Variants in SAMD3 observed in about 807,000 individuals in gnomAD.
The protein encoded by SAMD3 is sterile alpha motif domain containing 3.
A neutral mutation model predicts 58.5 loss-of-function variants in SAMD3; 63 were observed. The ratio of observed to expected loss-of-function variants is 1.08; its 90% CI spans 0.88 to 1.33. SAMD3 has a LOEUF of 1.33. Among genes scored for constraint, SAMD3 ranks in the 40% most tolerant of loss-of-function variants. SAMD3 has a pLI of 0.00. For missense variants in SAMD3, 604 were observed against 608.4 expected (o/e 0.99, Z 0.08); for synonymous variants, 220 against 210.3 (o/e 1.05, Z -0.40).
chr6:130,194,972 T>C (rs1793950599), intron 5 of SAMD3, among the ~76,000 whole-genome samples: 1 of 152,122 alleles, frequency 6.6e-6, no homozygotes, highest in Non-Finnish European at 1.5e-5. Context: ...CTTGCCTCCA[T>C]AACTGTTGTG....
chr6:130,273,528 C>A (rs549019239), intron 2 of SAMD3, among the ~76,000 whole-genome samples: 1 of 151,892 alleles, frequency 6.6e-6, no homozygotes, highest in East Asian at 1.9e-4. Flanking sequence ...CTTACAATTG[C>A]CGTTTTGTTG....
At chr6:130,315,799 C>T (rs6915557) in intron 1 of SAMD3, among the ~76,000 whole-genome samples, 64,632 of 151,862 alleles carry the variant, frequency 0.43, 15,332 homozygotes, top group African/African-American at 0.64. Flanking sequence ...TAATACATCA[C>T]GTGAATGGTA....
intron 2 of SAMD3, among the ~76,000 whole-genome samples, chr6:130,275,977 T>C (rs543197220): frequency 2.7e-4 from 41 of 152,186 alleles, no homozygotes; most frequent in Non-Finnish European, 4.9e-4. Context: ...TGGAAGGAAC[T>C]TTGAAGAAAT....
intron 2 of SAMD3, among the ~76,000 whole-genome samples, chr6:130,309,673 T>C (rs1313576903): frequency 6.6e-6 from 1 of 152,198 alleles, no homozygotes; most frequent in Admixed American, 6.5e-5. Context: ...ATGAATTTCC[T>C]GGCACCTTAC....
Position 130,146,064 on chromosome 6 carries a change from T to G in SAMD3, c.1141A>C (p.Asn381His). The change falls in exon 10 of 12, where the codon AAT becomes CAT. Residue 381 changes from asparagine to histidine, a missense_variant. By Grantham distance (68) the Asn-to-His change is moderately conservative. Coordinates refer to ENST00000439090, the MANE Select transcript of SAMD3 (RefSeq NM_001017373.4). The part of the protein sequence containing the change: ...TSFSVVDNPI[N>H]IVLQEKMKHY... Reference sequence around the variant, plus strand: ...TTCATTTTTTCTTGCAATACAATATTGATTGGATTGTCCACCACTGAAAAA... The same window carrying G: ...TTCATTTTTTCTTGCAATACAATATGGATTGGATTGTCCACCACTGAAAAA... 1 of 1,594,244 alleles carries G rather than the reference T, an allele frequency of 6.3e-7. No individual in the cohort carries two copies. Among genetic ancestry groups the G allele is most frequent in the Non-Finnish European group, 8.5e-7 (1 of 1,171,062 alleles).
intron 5 of SAMD3, among the ~76,000 whole-genome samples, chr6:130,189,196 AC>A (rs1224660819): frequency 2.6e-5 from 4 of 152,280 alleles, no homozygotes; most frequent in South Asian, 4.1e-4. Flanking sequence ...TGAAGCCCTA[AC>A]CTCCAACGTG....
intron 8 of SAMD3, chr6:130,160,959 A>C (rs879746186): frequency 5.3e-5 from 8 of 152,190 alleles, no homozygotes; most frequent in Non-Finnish European, 1.0e-4. Flanking sequence ...TATTCAAATA[A>C]AATATGTGCT....
chr6:130,196,499 C>T (rs1333107274), intron 5 of SAMD3, among the ~76,000 whole-genome samples: 2 of 152,196 alleles, frequency 1.3e-5, no homozygotes, highest in Non-Finnish European at 2.9e-5. Context: ...CCTGATCACA[C>T]TTAGTTTATT....
intron 2 of SAMD3, among the ~76,000 whole-genome samples, chr6:130,278,007 TA>T (rs1430434707): frequency 2.6e-5 from 4 of 152,172 alleles, no homozygotes; most frequent in African/African-American, 9.7e-5. Context: ...AATTATAGTT[TA>T]GGGGCCATGC....
chr6:130,365,578 T>A (rs944827679), upstream of SAMD3: 25 of 985,030 alleles, frequency 2.5e-5, no homozygotes, highest in African/African-American at 4.4e-4. Flanking sequence ...CGGCTGGAGC[T>A]CCCCAGCCGC....
chr6:130,359,621 A>G (rs913445627), intron 1 of SAMD3, among the ~76,000 whole-genome samples: 1 of 152,160 alleles, frequency 6.6e-6, no homozygotes, highest in Non-Finnish European at 1.5e-5. Flanking sequence ...TACTGCAGCT[A>G]TGTGCTTACA....
At chr6:130,264,552 G>A (rs1220394043) in intron 2 of SAMD3, among the ~76,000 whole-genome samples, 1 of 152,128 alleles carries the variant, frequency 6.6e-6, no homozygotes, top group Non-Finnish European at 1.5e-5. Context: ...TCAACCAGAG[G>A]TAGAAAAAAT....
intron 1 of SAMD3, among the ~76,000 whole-genome samples, chr6:130,218,189 G>A (rs1796087422): frequency 6.6e-6 from 1 of 152,222 alleles, no homozygotes; most frequent in Non-Finnish European, 1.5e-5. Flanking sequence ...AAAAAGGAAA[G>A]AAAGGGGAAA....
At chr6:130,343,410 G>T (rs1195419014) in intron 1 of SAMD3, among the ~76,000 whole-genome samples, 1 of 152,000 alleles carries the variant, frequency 6.6e-6, no homozygotes, top group Non-Finnish European at 1.5e-5. Context: ...ATAATAAAAG[G>T]CATATCTCTG....
At chr6:130,320,721 A>G (rs759203395) in intron 1 of SAMD3, among the ~76,000 whole-genome samples, 1 of 152,250 alleles carries the variant, frequency 6.6e-6, no homozygotes, top group East Asian at 1.9e-4. Flanking sequence ...GATAAATCTC[A>G]AAACAATTAT....
intron 9 of SAMD3, among the ~76,000 whole-genome samples, chr6:130,149,507 T>C (rs147046986): frequency 1.3e-5 from 2 of 152,300 alleles, no homozygotes; most frequent in Non-Finnish European, 2.9e-5. Context: ...AATGTACATG[T>C]ACACCATGGA....
intron 1 of SAMD3, among the ~76,000 whole-genome samples, chr6:130,330,158 T>C (rs972800038): frequency 3.9e-5 from 6 of 152,174 alleles, no homozygotes; most frequent in Non-Finnish European, 8.8e-5. Flanking sequence ...GTACATTTCA[T>C]GTGTGATGAA....
At chr6:130,292,627 T>C (rs945000313) in intron 2 of SAMD3, among the ~76,000 whole-genome samples, 3 of 136,592 alleles carry the variant, frequency 2.2e-5, no homozygotes, top group South Asian at 2.5e-4. Context: ...TTTTGTTTTG[T>C]TTTGTTTTTG....
chr6:130,289,340 T>A (rs1775282538), intron 2 of SAMD3, among the ~76,000 whole-genome samples: 1 of 152,222 alleles, frequency 6.6e-6, no homozygotes, highest in African/African-American at 2.4e-5. Flanking sequence ...ATTTTCCACA[T>A]CTTTGCCTAT....
Sources: gnomAD v4.1 joint callset for allele counts (sites outside exome capture counted in the v4.1 genomes callset) on GRCh38, gnomAD v4.1.1 for gene constraint, MANE v1.5 for transcripts, NCBI Gene and HGNC (gene_info 2026-07-23, HGNC 2026-07-21) for gene names.